NPEPPS: variants seen among roughly 807,000 people sequenced by gnomAD.
NPEPPS encodes aminopeptidase puromycin sensitive.
NPEPPS carries 14 observed loss-of-function variants against 115.5 expected under a neutral mutation model. That is an observed-to-expected ratio of 0.12 (90% CI 0.08 to 0.19). NPEPPS has a LOEUF of 0.19. Ranked by LOEUF, NPEPPS falls within the 10% of genes least tolerant of loss-of-function variation. The pLI is 1.00. For synonymous variants in NPEPPS, 285 were observed against 390.6 expected (o/e 0.73, Z 3.19); for missense variants, 523 against 1,110.8 (o/e 0.47, Z 7.52).
At chr17:47,572,030 G>A (rs930692888) in intron 3 of NPEPPS, among the ~76,000 whole-genome samples, 5 of 125,258 alleles carry the variant, frequency 4.0e-5, no homozygotes, top group African/African-American at 1.3e-4. Flanking sequence ...TCCAGGACTA[G>A]TAGTGAGCGG....
At chr17:47,568,272 T>TA (rs1207533341) in intron 2 of NPEPPS, among the ~76,000 whole-genome samples, 1 of 151,972 alleles carries the variant, frequency 6.6e-6, no homozygotes, top group Non-Finnish European at 1.5e-5. Flanking sequence ...CAAGCAATTC[T>TA]AAATTATCAT....
intron 2 of NPEPPS, among the ~76,000 whole-genome samples, chr17:47,550,065 T>C (rs777892210): frequency 2.0e-5 from 3 of 149,540 alleles, no homozygotes; most frequent in Non-Finnish European, 1.5e-5. Context: ...CTCCCCAGCA[T>C]CTGGGGCTAT....
chr17:47,535,271 G>A (rs1326390247), intron 1 of NPEPPS, among the ~76,000 whole-genome samples: 8 of 119,170 alleles, frequency 6.7e-5, no homozygotes, highest in African/African-American at 9.4e-5. Flanking sequence ...AAAAAAAAAG[G>A]CTGGGCGCGG....
At chr17:47,601,873 A>T (rs1913218506) in intron 15 of NPEPPS, 126 bp downstream of exon 15, 1 of 984,200 alleles carries the variant, frequency 1.0e-6, no homozygotes, top group Non-Finnish European at 1.5e-6. Context: ...TGTGAAACTT[A>T]GGACGAATTT....
chr17:47,540,128 A>G (rs1176309036), intron 1 of NPEPPS, among the ~76,000 whole-genome samples: 5 of 152,130 alleles, frequency 3.3e-5, no homozygotes, highest in Non-Finnish European at 7.4e-5. Context: ...AGTTGTTACC[A>G]GGCGTCAAGC....
chr17:47,585,642 T>C lies in NPEPPS; in HGVS notation c.791T>C (p.Val264Ala), dbSNP rs1332630050. ...GTAGAAACAAGGTCAAAAGATGGTG[T>C]GTGTGTCCGTGTTTACACTCCTGTT... is the stretch of plus-strand genomic sequence containing the variant. ...DFVETRSKDG[V>A]CVRVYTPVGK... Residue 264 changes from valine (V) to alanine (A), a missense_variant, in exon 6 of 23, where the codon GTG (valine) becomes GCG (alanine). This residue lies in a region of NPEPPS where 144 missense variants were observed against 512.4 expected (regional missense o/e 0.28). Transcript: ENST00000322157. 1 of 1,613,964 alleles carries C rather than the reference T, an allele frequency of 6.2e-7. No individual in the cohort carries two copies. The highest frequency in any genetic ancestry group is 8.5e-7 in the Non-Finnish European group (1 of 1,179,880).
At chr17:47,595,132 T>C (rs949437517) in intron 12 of NPEPPS, among the ~76,000 whole-genome samples, 1 of 152,160 alleles carries the variant, frequency 6.6e-6, no homozygotes, top group African/African-American at 2.4e-5. Context: ...GGTTTCACCA[T>C]GTTGGCCAGG....
chr17:47,603,808 T>G lies in NPEPPS; in HGVS notation c.1741-107T>G, dbSNP rs1409984634. 2.9e-6 allele frequency: 3 copies of G among 1,028,872 alleles called. No individual in the cohort carries two copies. In the African/African-American group the frequency reaches 4.8e-5, roughly 17 times the overall value. The allele number at this position is 1,028,872 out of a possible 1,614,324, so 63.7% of individuals were successfully genotyped here. Reference sequence around the variant, plus strand: ...TAGTTGGCATAGATGGTCTTAATTGTTTTTCATCCAGATATATCTAAAACC... The same window carrying G: ...TAGTTGGCATAGATGGTCTTAATTGGTTTTCATCCAGATATATCTAAAACC... On this transcript the variant is annotated intron_variant, in intron 15 of 22. Transcript: ENST00000322157.
At chr17:47,564,143 A>G (rs1910639044) in intron 2 of NPEPPS, among the ~76,000 whole-genome samples, 2 of 151,974 alleles carry the variant, frequency 1.3e-5, no homozygotes, top group African/African-American at 2.4e-5. Flanking sequence ...GCTGGACTCA[A>G]ACTCCTGACC....
intron 1 of NPEPPS, among the ~76,000 whole-genome samples, chr17:47,533,699 A>C (rs533509268): frequency 1.3e-5 from 2 of 152,124 alleles, no homozygotes; most frequent in Non-Finnish European, 2.9e-5. Flanking sequence ...CCTCTTTTCT[A>C]CTTTTGTGGA....
At chr17:47,537,701 TAAA>T (rs772361436) in intron 1 of NPEPPS, among the ~76,000 whole-genome samples, 4 of 140,410 alleles carry the variant, frequency 2.8e-5, no homozygotes, top group South Asian at 4.6e-4. Context: ...ACCCTGTCTT[TAAA>T]AAAAAAAAAA....
chr17:47,601,807 TA>T, intron 15 of NPEPPS, 60 bp downstream of exon 15: 32 of 1,513,156 alleles, frequency 2.1e-5, no homozygotes, highest in Non-Finnish European at 2.9e-5. Context: ...TGGCCGGTTT[TA>T]AATTCTGCTT....
At chr17:47,543,825 A>G (rs1488228312) in intron 1 of NPEPPS, among the ~76,000 whole-genome samples, 2 of 152,138 alleles carry the variant, frequency 1.3e-5, no homozygotes, top group African/African-American at 4.8e-5. Flanking sequence ...CTTTCCATGG[A>G]AAAATTCTCT....
chr17:47,568,385 G>A (rs941612223), intron 2 of NPEPPS, among the ~76,000 whole-genome samples: 9 of 152,066 alleles, frequency 5.9e-5, no homozygotes, highest in African/African-American at 1.2e-4. Context: ...TGGCCAGGCT[G>A]TTCTCGAACT....
At chr17:47,619,670 T>C in intron 21 of NPEPPS, 67 bp from the exon 22 acceptor site, 1 of 1,266,404 alleles carries the variant, frequency 7.9e-7, no homozygotes, top group Admixed American at 1.7e-5. Flanking sequence ...GATTTATTTT[T>C]AGGGTAAATG....
At chr17:47,619,240 A>G (rs1914389830) in intron 21 of NPEPPS, 76 bp downstream of exon 21, 5 of 1,367,856 alleles carry the variant, frequency 3.7e-6, no homozygotes, top group South Asian at 1.3e-5. Context: ...ACACCCATAC[A>G]TTGTGGTCTT....
intron 3 of NPEPPS, among the ~76,000 whole-genome samples, chr17:47,576,283 A>C (rs1339216491): frequency 1.3e-5 from 2 of 152,210 alleles, no homozygotes; most frequent in African/African-American, 4.8e-5. Flanking sequence ...GAAGAGTCAA[A>C]AACAAGATAA....
At chr17:47,565,061 G>T (rs559116651) in intron 2 of NPEPPS, among the ~76,000 whole-genome samples, 1 of 152,168 alleles carries the variant, frequency 6.6e-6, no homozygotes, top group Non-Finnish European at 1.5e-5. Context: ...AGCATTGGAA[G>T]TAGAGCTGTG....
In NPEPPS at chr17:47,585,623, A is replaced by G. The variant is rs1912134369; in HGVS notation, c.772A>G (p.Thr258Ala). The stretch of plus-strand genomic sequence containing the variant: ...TGTGGGTGAATATGACTTTGTAGAA[A>G]CAAGGTCAAAAGATGGTGTGTGTGT... ...FVVGEYDFVE[T>A]RSKDGVCVRV... The change falls in exon 6 of 23, where the codon ACA (threonine) becomes GCA (alanine). Residue 258 changes from threonine (T) to alanine (A), a missense_variant. Coordinates refer to ENST00000322157, the MANE Select transcript of NPEPPS (RefSeq NM_006310.4). 1.2e-6 allele frequency: 2 copies of G among 1,613,984 alleles called. No individual in the cohort carries two copies. Among genetic ancestry groups the G allele is most frequent in the Non-Finnish European group, 1.7e-6 (2 of 1,179,884 alleles).
Sources: allele counts gnomAD v4.1 joint callset (sites outside exome capture counted in the v4.1 genomes callset), GRCh38; gene constraint gnomAD v4.1.1; regional missense constraint gnomAD v4.1.1; transcripts MANE v1.5; gene names NCBI Gene and HGNC (gene_info 2026-07-23, HGNC 2026-07-21).